Variants in TPM4 observed in about 807,000 individuals in gnomAD.
TPM4 encodes the protein tropomyosin 4.
In TPM4, 17 loss-of-function variants were observed where a neutral mutation model predicts 35.8. The observed-to-expected ratio is 0.47, with a 90% confidence interval of 0.32 to 0.71. The LOEUF is 0.71. Among genes scored for constraint, TPM4 ranks in the 30% least tolerant of loss-of-function variants. The pLI is 0.03. For synonymous variants in TPM4, 120 were observed against 122.9 expected (o/e 0.98, Z 0.15); for missense variants, 240 against 320.9 (o/e 0.75, Z 1.93).
intron 3 of TPM4, among the ~76,000 whole-genome samples, chr19:16,087,352 A>G (rs1038461883): frequency 1.3e-5 from 2 of 151,544 alleles, no homozygotes; most frequent in African/African-American, 4.9e-5. Context: ...CAAGGCAGGC[A>G]GATCACCTGA....
chr19:16,098,118 A>G (rs1214218317), intron 7 of TPM4, among the ~76,000 whole-genome samples: 1 of 152,106 alleles, frequency 6.6e-6, no homozygotes, highest in Admixed American at 6.6e-5. Flanking sequence ...CAGTTATTCT[A>G]CCTAACTAAG....
intron 7 of TPM4, 22 bp from the exon 8 acceptor site, chr19:16,101,242 C>G: frequency 6.5e-7 from 1 of 1,547,574 alleles, no homozygotes. Flanking sequence ...TTATCTTTCC[C>G]CATACTCTTA....
chr19:16,097,659 C>T (rs2090717237), intron 7 of TPM4, among the ~76,000 whole-genome samples: 1 of 152,116 alleles, frequency 6.6e-6, no homozygotes, highest in African/African-American at 2.4e-5. Flanking sequence ...TGCATCCTAC[C>T]ACCACTACCA....
In TPM4 at chr19:16,086,659, C is replaced by CTT. The variant is rs2090558035; in HGVS notation, c.384+119_384+120insTT. On this transcript the variant is annotated intron_variant, in intron 3 of 7. Transcript: ENST00000643579. Reference sequence around the variant, plus strand: ...CTCGGTTAGGTCAGCTGTCCTCCTGCGTGAACATATGTTTGTCCAGAGACA... The same window carrying CTT: ...CTCGGTTAGGTCAGCTGTCCTCCTGCTTGTGAACATATGTTTGTCCAGAGACA... 110 of 770,420 alleles carry CTT rather than the reference C, an allele frequency of 1.4e-4. No homozygotes were observed. In the Admixed American group the frequency reaches 2.8e-3, roughly 20 times the overall value. The allele number at this position is 770,420 out of a possible 1,614,324, so 47.7% of individuals were successfully genotyped here.
chr19:16,088,320 G>A (rs1262531611), intron 4 of TPM4: 1 of 1,377,276 alleles, frequency 7.3e-7, no homozygotes, highest in Admixed American at 2.9e-5. Context: ...TTTCTGCAAA[G>A]ATATGAGGAA....
upstream of TPM4, chr19:16,075,430 G>C (rs34411041): frequency 2.6e-5 from 4 of 152,190 alleles, no homozygotes; most frequent in African/African-American, 7.2e-5. Context: ...TGATCCTGTA[G>C]GGGCGAGTCT....
chr19:16,078,570 A>T (rs908397954), intron 1 of TPM4, among the ~76,000 whole-genome samples: 1 of 152,160 alleles, frequency 6.6e-6, no homozygotes, highest in Non-Finnish European at 1.5e-5. Context: ...TCTTTCTCAC[A>T]CTTAACCGAC....
chr19:16,074,035 T>TAC (rs966281027), upstream of TPM4, among the ~76,000 whole-genome samples: 184 of 89,272 alleles, frequency 2.1e-3, 2 homozygotes, highest in African/African-American at 5.2e-3. Flanking sequence ...AAAAAAAACA[T>TAC]ACACACACAC....
rs137907931 is a variant in TPM4 at position 16,085,804 on chromosome 19, C to T, written c.267-619C>T. On this transcript the variant is annotated intron_variant, in intron 2 of 7. Transcript: ENST00000643579. ...TGAAGGGAGGCTGGGCGCGGTGGCT[C>T]ACACCTGTAATCCCAGCACTCTGGG... Among the ~76,000 whole-genome samples the T allele has an allele frequency of 4.2e-3, 635 of 152,230 alleles. 4 individuals carry two copies. The highest frequency in any genetic ancestry group is 0.02 in the Middle Eastern group (6 of 294).
chr19:16,067,638 A>G lies in TPM4; in HGVS notation c.14A>G (p.Lys5Arg), dbSNP rs753304129. ...CAGCGCCCAGCCATGGAGGCCATCA[A>G]GAAGAAAATGCAGATGCTGAAGTTG... Residue 5 changes from lysine to arginine, a missense_variant, in exon 2 of 3, where the codon AAG (lysine) becomes AGG (arginine). Lys to Arg is a conservative substitution (Grantham distance 26). Coordinates refer to the TPM4 transcript ENST00000589897. This position sits in a 1 kb window ranked among gnomAD's most constrained non-coding sequence, Gnocchi z 4.1. The G allele has an allele frequency of 2.0e-5, 33 of 1,613,444 alleles. No homozygotes were observed. The highest frequency in any genetic ancestry group is 6.7e-5 in the Admixed American group (4 of 59,954).
intron 5 of TPM4, among the ~76,000 whole-genome samples, chr19:16,090,799 C>T (rs1244147978): frequency 6.7e-6 from 1 of 149,756 alleles, no homozygotes; most frequent in Non-Finnish European, 1.5e-5. Flanking sequence ...TTGTGCCTGG[C>T]ATATATCTGT....
At chr19:16,071,271 C>T (rs2090354666) in intron 2 of TPM4, among the ~76,000 whole-genome samples, 1 of 152,286 alleles carries the variant, frequency 6.6e-6, no homozygotes, top group Non-Finnish European at 1.5e-5. Flanking sequence ...TCACAGCTTA[C>T]TGCAGCCTCA....
At chr19:16,089,665 C>T (rs2144947169) in intron 5 of TPM4, among the ~76,000 whole-genome samples, 1 of 142,758 alleles carries the variant, frequency 7.0e-6, no homozygotes, top group South Asian at 2.3e-4. Context: ...CCTCCACCCC[C>T]CACTTTTTTT....
chr19:16,088,190 G>T (rs1339038424), intron 4 of TPM4, 93 bp downstream of exon 4: 21 of 1,521,932 alleles, frequency 1.4e-5, no homozygotes, highest in East Asian at 2.4e-5. Context: ...TCTGACCGGG[G>T]TCTCTGCTCA....
At chr19:16,091,991 G>A (rs573172922) in intron 5 of TPM4, among the ~76,000 whole-genome samples, 55 of 150,780 alleles carry the variant, frequency 3.6e-4, no homozygotes, top group African/African-American at 1.1e-3. Flanking sequence ...CCATCGTAGC[G>A]AAACCCCATC....
chr19:16,083,391 A>G (rs1049541181), intron 2 of TPM4, among the ~76,000 whole-genome samples: 1 of 152,106 alleles, frequency 6.6e-6, no homozygotes, highest in African/African-American at 2.4e-5. Flanking sequence ...GGGTGCAGTG[A>G]GCCAAGATCG....
chr19:16,093,764 ACCATCTAAATGTTTG>A lies in TPM4; in HGVS notation c.664+14_664+28del. Reference sequence around the variant, plus strand: ...TTGATGACCTGGAAGGTATGAGGTTACCATCTAAATGTTTGCCTTGCCCTGCCTTCCCCTCTGGGA... The same window carrying A: ...TTGATGACCTGGAAGGTATGAGGTTACCTTGCCCTGCCTTCCCCTCTGGGA... On this transcript the variant is annotated intron_variant, in intron 7 of 7. Transcript: ENST00000643579. The A allele has an allele frequency of 6.2e-7, 1 of 1,612,958 alleles. No homozygotes were observed.
chr19:16,102,496 A>G lies in TPM4; in HGVS notation c.*1150A>G, dbSNP rs1026402684. 8.8e-6 allele frequency: 2 copies of G among 226,630 alleles called. No individual in the cohort carries two copies. The highest frequency in any genetic ancestry group is 2.2e-5 in the African/African-American group (1 of 45,042). The allele number at this position is 226,630 out of a possible 1,614,324, so 14.0% of individuals were successfully genotyped here. On this transcript the variant is annotated 3_prime_UTR_variant, in exon 8 of 8. Coordinates refer to ENST00000643579, the MANE Select transcript of TPM4 (RefSeq NM_003290.3). ...AAGTTGAGCAAAAGAGTTTTTATCT[A>G]TTAGCAGAAAGGGCCTCTCTGGCAG...
chr19:16,076,456 C>G (rs2090406717), upstream of TPM4: 1 of 1,337,350 alleles, frequency 7.5e-7, no homozygotes, highest in Non-Finnish European at 9.5e-7. Context: ...CGGGGGCGGC[C>G]CCCGCGCAGG....
Sources: gnomAD v4.1 joint callset for allele counts (sites outside exome capture counted in the v4.1 genomes callset) on GRCh38, gnomAD v4.1.1 for gene constraint, Gnocchi (gnomAD v3.1) non-coding constraint, MANE v1.5 for transcripts, NCBI Gene and HGNC (gene_info 2026-07-23, HGNC 2026-07-21) for gene names.